Variants in AOPEP observed in about 807,000 individuals in gnomAD.
AOPEP encodes aminopeptidase O (putative), also known as aminopeptidase O.
AOPEP carries 77 observed loss-of-function variants against 98.1 expected under a neutral mutation model. The observed-to-expected ratio is 0.78, with a 90% CI of 0.65 to 0.95. The LOEUF (loss-of-function observed/expected upper bound fraction) is 0.95, where lower values mean the gene tolerates loss of function less well. Ranked by LOEUF, AOPEP falls within the 40% of genes least tolerant of loss-of-function variation. The pLI is 0.00. For missense variants in AOPEP, 1,024 were observed against 1,024.7 expected (o/e 1.00, Z 0.01); for synonymous variants, 346 against 365.3 (o/e 0.95, Z 0.60).
intron 10 of AOPEP, among the ~76,000 whole-genome samples, chr9:94,975,398 T>C (rs962987156): frequency 6.6e-6 from 1 of 152,196 alleles, no homozygotes; most frequent in Non-Finnish European, 1.5e-5. Context: ...TAGAGGACTT[T>C]TTATTTGTTT....
intron 5 of AOPEP, among the ~76,000 whole-genome samples, chr9:94,884,936 G>C (rs995349855): frequency 6.6e-6 from 1 of 150,396 alleles, no homozygotes; most frequent in African/African-American, 2.5e-5. Context: ...GTGAACCCGG[G>C]AGGCGGAGCT....
chr9:94,882,902 T>G (rs1227108621), intron 5 of AOPEP, among the ~76,000 whole-genome samples: 1 of 152,260 alleles, frequency 6.6e-6, no homozygotes, highest in African/African-American at 2.4e-5. Context: ...GGACCCATAA[T>G]TTTTACGGAT....
At chr9:94,818,169 A>G (rs941656183) in intron 5 of AOPEP, among the ~76,000 whole-genome samples, 5 of 152,200 alleles carry the variant, frequency 3.3e-5, no homozygotes, top group Non-Finnish European at 7.3e-5. Flanking sequence ...AAGGTGCCAT[A>G]GACCACTCAT....
chr9:95,087,556 C>G (rs984079300), downstream of AOPEP, among the ~76,000 whole-genome samples: 1 of 143,870 alleles, frequency 7.0e-6, no homozygotes, highest in African/African-American at 2.6e-5. Flanking sequence ...GTTCCCCCCC[C>G]ACCTCACTAG....
intron 14 of AOPEP, among the ~76,000 whole-genome samples, chr9:95,075,857 C>T (rs923399611): frequency 7.2e-5 from 11 of 152,148 alleles, no homozygotes; most frequent in African/African-American, 2.4e-4. Flanking sequence ...GATGACCGAA[C>T]GACACCCTGC....
chr9:94,928,802 C>A, intron 7 of AOPEP: 1 of 399,672 alleles, frequency 2.5e-6, no homozygotes, highest in South Asian at 3.1e-5. Flanking sequence ...CTAACAGTCA[C>A]TTTACGTGGT....
At chr9:94,777,917 C>T (rs550295367) in intron 3 of AOPEP, among the ~76,000 whole-genome samples, 1 of 151,998 alleles carries the variant, frequency 6.6e-6, no homozygotes, top group Non-Finnish European at 1.5e-5. Context: ...AGCCACCGTG[C>T]CTGGCCTATA....
intron 5 of AOPEP, among the ~76,000 whole-genome samples, chr9:94,876,096 C>T (rs989448971): frequency 2.6e-5 from 4 of 152,182 alleles, no homozygotes; most frequent in Non-Finnish European, 5.9e-5. Flanking sequence ...GGCAGTTCAA[C>T]AGTATTTGAG....
intron 1 of AOPEP, among the ~76,000 whole-genome samples, chr9:94,747,987 A>C (rs1834898905): frequency 6.6e-6 from 1 of 152,230 alleles, no homozygotes; most frequent in Admixed American, 6.5e-5. Context: ...TGAATAAAGT[A>C]AAAATTAGTT....
chr9:95,111,393 CCCTCTCTGCAAGCT>C, the AOPEP span: 1 of 1,597,278 alleles, frequency 6.3e-7, no homozygotes, highest in Non-Finnish European at 8.5e-7. Context: ...ACAACAGAGC[CCCTCTCTGCAAGCT>C]CCTCTCAGCC....
downstream of AOPEP, among the ~76,000 whole-genome samples, chr9:95,087,477 C>T (rs2070788146): frequency 1.6e-5 from 1 of 62,536 alleles, no homozygotes; most frequent in Non-Finnish European, 2.6e-5. Flanking sequence ...AGCAAGACTC[C>T]ATCTCAAAAA....
chr9:95,111,713 G>A, the AOPEP span: 37,992 of 1,557,152 alleles, frequency 0.024, 511 homozygotes, highest in Non-Finnish European at 0.029. Flanking sequence ...CAACTTTAAC[G>A]TTTGCCAACG....
intron 5 of AOPEP, among the ~76,000 whole-genome samples, chr9:94,905,760 T>C (rs1326861429): frequency 1.3e-5 from 2 of 152,106 alleles, no homozygotes; most frequent in Non-Finnish European, 2.9e-5. Context: ...CTACAAACAA[T>C]GAAATCTATC....
At chr9:94,933,583 C>A (rs981258176) in intron 7 of AOPEP, 14 of 985,196 alleles carry the variant, frequency 1.4e-5, no homozygotes, top group Non-Finnish European at 1.7e-5. Context: ...AATGCCTCAT[C>A]CCTTGATCAC....
chr9:95,068,390 G>A (rs1336263760), intron 14 of AOPEP, among the ~76,000 whole-genome samples: 1 of 152,080 alleles, frequency 6.6e-6, no homozygotes, highest in Non-Finnish European at 1.5e-5. Context: ...CACTGTCGTC[G>A]TCATTCCTTT....
At chr9:95,074,216 TC>T (rs1316825040) in intron 14 of AOPEP, among the ~76,000 whole-genome samples, 4 of 152,144 alleles carry the variant, frequency 2.6e-5, no homozygotes, top group Non-Finnish European at 5.9e-5. Flanking sequence ...ACATACCCCG[TC>T]CTCCCTGTGG....
chr9:94,994,647 C>T (rs939727485), intron 11 of AOPEP, among the ~76,000 whole-genome samples: 16 of 152,112 alleles, frequency 1.1e-4, no homozygotes, highest in African/African-American at 3.9e-4. Flanking sequence ...CTTCAGAGAG[C>T]AATGTAGAAA....
chr9:94,840,641 C>T (rs953333486), intron 5 of AOPEP, among the ~76,000 whole-genome samples: 1 of 152,128 alleles, frequency 6.6e-6, no homozygotes, highest in African/African-American at 2.4e-5. Context: ...ATTTCCTTTT[C>T]AGAAGGTTTT....
chr9:94,965,040 ATATAT>A (rs1233887949), intron 9 of AOPEP, among the ~76,000 whole-genome samples: 2 of 152,244 alleles, frequency 1.3e-5, no homozygotes, highest in Non-Finnish European at 2.9e-5. Flanking sequence ...TTATAAAATA[ATATAT>A]TAGATTGTGA....
Sources: allele counts gnomAD v4.1 joint callset (sites outside exome capture counted in the v4.1 genomes callset), GRCh38; gene constraint gnomAD v4.1.1; transcripts MANE v1.5; gene names NCBI Gene and HGNC (gene_info 2026-07-23, HGNC 2026-07-21).